The following TAB1 variants were observed in gnomAD, a reference collection of about 807,000 sequenced individuals.
TAB1 encodes the protein TGF-beta-activated kinase 1 and MAP3K7-binding protein 1.
In TAB1, 30 loss-of-function variants were observed where a neutral mutation model predicts 54.5. The ratio of observed to expected loss-of-function variants is 0.55; its 90% confidence interval spans 0.41 to 0.75. The LOEUF (loss-of-function observed/expected upper bound fraction) is 0.75, where lower values mean the gene tolerates loss of function less well. Among genes scored for constraint, TAB1 ranks in the 30% least tolerant of loss-of-function variants. The probability of loss-of-function intolerance (pLI) is 0.00; values close to 1 mark genes in which losing one functional copy is unlikely to be tolerated. For missense variants in TAB1, 609 were observed against 683.2 expected, an observed-to-expected ratio of 0.89 and a Z score of 1.21; for synonymous variants, 289 against 286.9, an observed-to-expected ratio of 1.01 and a Z score of -0.07.
chr22:39,404,275 G>C (rs1195894598), intron 1 of TAB1, among the ~76,000 whole-genome samples: 1 of 152,172 alleles, frequency 6.6e-6, no homozygotes, highest in Non-Finnish European at 1.5e-5. Context: ...TGCCTGTACT[G>C]TTACTTAATT....
chr22:39,411,806 TA>T (rs1926617495), intron 1 of TAB1, among the ~76,000 whole-genome samples: 1 of 152,204 alleles, frequency 6.6e-6, no homozygotes, highest in African/African-American at 2.4e-5. Context: ...TTCATAGTTA[TA>T]AGAAACGAAA....
At chr22:39,401,341 A>G (rs1926136337) in intron 1 of TAB1, among the ~76,000 whole-genome samples, 1 of 151,982 alleles carries the variant, frequency 6.6e-6, no homozygotes, top group Non-Finnish European at 1.5e-5. Context: ...CTACTCCTTT[A>G]TTTTATTACT....
At chr22:39,406,879 C>A (rs1050107938) in intron 1 of TAB1, among the ~76,000 whole-genome samples, 2 of 152,102 alleles carry the variant, frequency 1.3e-5, no homozygotes, top group African/African-American at 4.8e-5. Context: ...ATGATCTGCC[C>A]GCCTTGGCCT....
At chr22:39,413,519 C>A (rs1045531363) in intron 1 of TAB1, among the ~76,000 whole-genome samples, 5 of 151,172 alleles carry the variant, frequency 3.3e-5, no homozygotes, top group East Asian at 2.0e-4. Context: ...TGGGTTTAAG[C>A]GATTCTCCTG....
intron 1 of TAB1, among the ~76,000 whole-genome samples, chr22:39,401,690 T>A (rs933264148): frequency 6.6e-6 from 1 of 152,218 alleles, no homozygotes; most frequent in Non-Finnish European, 1.5e-5. Flanking sequence ...TGGCCTTTTT[T>A]AAAGCAAGAA....
chr22:39,429,266 G>A (rs1327398770), intron 10 of TAB1: 1 of 985,318 alleles, frequency 1.0e-6, no homozygotes, highest in Non-Finnish European at 1.2e-6. Flanking sequence ...GGGGAGGGGG[G>A]CGAAGGAAGG....
In TAB1 at chr22:39,399,781, C is replaced by G; in HGVS notation, c.-22C>G. ...TCGCTGCTCTGCGGGGAGGCGGGCG[C>G]TCCCGCAGGGGTTCCTCCAAGATGG... On this transcript the variant is annotated 5_prime_UTR_variant, in exon 1 of 11. Coordinates refer to ENST00000216160, the MANE Select transcript of TAB1 (RefSeq NM_006116.3). 6.3e-7 allele frequency: 1 copy of G among 1,580,394 alleles called. No homozygotes were observed. The highest frequency in any genetic ancestry group is 2.3e-5 in the East Asian group (1 of 43,204).
In TAB1 at chr22:39,415,097, A is replaced by G. The variant is rs1218200345; in HGVS notation, c.125A>G (p.Lys42Arg). ...AACCGCAGCTACTCTGCTGATGGCA[A>G]GGGCACTGAGAGCCACCCGCCAGAG... Reference protein sequence around the residue: ...ASNRSYSADGKGTESHPPEDS... With the variant: ...ASNRSYSADGRGTESHPPEDS... The change falls in exon 2 of 11, where the codon AAG becomes AGG. Residue 42 changes from lysine (K) to arginine (R), a missense_variant. Coordinates refer to ENST00000216160, the MANE Select transcript of TAB1 (RefSeq NM_006116.3). This position sits in a 1 kb window ranked among gnomAD's most constrained non-coding sequence, Gnocchi z 4.9. 1.2e-5 allele frequency: 19 copies of G among 1,610,744 alleles called. No individual in the cohort carries two copies. Among genetic ancestry groups the G allele is most frequent in the African/African-American group, 2.7e-5 (2 of 74,854 alleles).
rs1195832804 is a variant in TAB1 at position 39,426,876 on chromosome 22, T to C, written c.1095T>C (p.Phe365=). 6.2e-7 allele frequency: 1 copy of C among 1,613,106 alleles called. No individual in the cohort carries two copies. Among genetic ancestry groups the C allele is most frequent in the African/African-American group, 1.3e-5 (1 of 75,072 alleles). Reference sequence around the variant, plus strand: ...ACATGACCCTGCTAGTGAGGAACTTTGGCTACCCGCTGGGCGAAATGAGCC... The same window carrying C: ...ACATGACCCTGCTAGTGAGGAACTTCGGCTACCCGCTGGGCGAAATGAGCC... ...HEDMTLLVRN[F]GYPLGEMSQP... Residue 365 remains phenylalanine (F), a synonymous_variant, in exon 9 of 11, where the codon TTT becomes TTC. Transcript: ENST00000216160.
intron 8 of TAB1, among the ~76,000 whole-genome samples, chr22:39,422,450 G>A (rs952706498): frequency 5.0e-5 from 6 of 120,150 alleles, no homozygotes; most frequent in African/African-American, 9.7e-5. Context: ...CCTCTGTCAC[G>A]CAGGCTAGAG....
rs1435536659 is a variant in TAB1, at chr22:39,426,896, T to C, written c.1115T>C (p.Met372Thr). The C allele has an allele frequency of 6.2e-7, 1 of 1,612,352 alleles. No homozygotes were observed. The highest frequency in any genetic ancestry group is 1.3e-5 in the African/African-American group (1 of 74,924). ...AACTTTGGCTACCCGCTGGGCGAAA[T>C]GAGCCAGCCCACACCGAGCCCAGCC... ...VRNFGYPLGE[M>T]SQPTPSPAPA... Residue 372 changes from methionine (M) to threonine (T), a missense_variant, in exon 9 of 11, where the codon ATG (methionine) becomes ACG (threonine). Physicochemically the swap from Met to Thr is moderately conservative, Grantham distance 81. Transcript: ENST00000216160.
downstream of TAB1, among the ~76,000 whole-genome samples, chr22:39,435,737 C>T (rs1182574695): frequency 2.6e-5 from 4 of 152,182 alleles, no homozygotes; most frequent in East Asian, 1.9e-4. Flanking sequence ...GGCCGGGGAG[C>T]CTGGCTCTAC....
At chr22:39,416,602 T>G (rs370427321) in intron 3 of TAB1, 189 bp from the exon 4 acceptor site, 2 of 619,110 alleles carry the variant, frequency 3.2e-6, no homozygotes, top group East Asian at 2.7e-5. Flanking sequence ...GTCAAAGACA[T>G]TGATCTGCAG....
chr22:39,412,827 A>G (rs1339605813), intron 1 of TAB1, among the ~76,000 whole-genome samples: 2 of 151,580 alleles, frequency 1.3e-5, no homozygotes, highest in African/African-American at 2.4e-5. Flanking sequence ...TTTCTTTTAC[A>G]GATGATTCAC....
rs773589841 is a variant in TAB1 at position 39,428,200 on chromosome 22, C to T, written c.1307+17C>T. On this transcript the variant is annotated intron_variant, in intron 10 of 10. Transcript: ENST00000216160. ...CCTCACCAAGTAAGTCCCTTCCCCACTGAGCCACCCCCAGCCCTGTCACCC... is the reference window on the plus strand; with the variant it reads ...CCTCACCAAGTAAGTCCCTTCCCCATTGAGCCACCCCCAGCCCTGTCACCC... The T allele has an allele frequency of 4.5e-6, 7 of 1,556,540 alleles. No homozygotes were observed. Among genetic ancestry groups the T allele is most frequent in the South Asian group, 1.2e-5 (1 of 85,968 alleles).
chr22:39,400,718 T>C (rs1313603975), intron 1 of TAB1, among the ~76,000 whole-genome samples: 2 of 152,198 alleles, frequency 1.3e-5, no homozygotes, highest in East Asian at 3.8e-4. Flanking sequence ...GAATTGTCTA[T>C]GGACTTGTCT....
intron 1 of TAB1, among the ~76,000 whole-genome samples, chr22:39,409,244 T>A (rs1926506444): frequency 6.6e-6 from 1 of 152,186 alleles, no homozygotes; most frequent in African/African-American, 2.4e-5. Flanking sequence ...TTAATTTCAT[T>A]CCAGCTGGTG....
chr22:39,421,724 G>A, intron 7 of TAB1, 103 bp from the exon 8 acceptor site: 1 of 1,277,266 alleles, frequency 7.8e-7, no homozygotes, highest in Non-Finnish European at 1.1e-6. Context: ...CAGGTTGTGT[G>A]TTTTATTTTA....
Position 39,426,890 on chromosome 22 carries a change from G to A in TAB1, c.1109G>A (p.Gly370Asp), listed in dbSNP as rs553166297. ...GTGAGGAACTTTGGCTACCCGCTGG[G>A]CGAAATGAGCCAGCCCACACCGAGC... Reference protein sequence around the residue: ...LLVRNFGYPLGEMSQPTPSPA... With the variant: ...LLVRNFGYPLDEMSQPTPSPA... The change falls in exon 9 of 11, where the codon GGC becomes GAC. Residue 370 changes from glycine to aspartate, a missense_variant. By Grantham distance (94) the Gly-to-Asp change is moderately conservative (BLOSUM62 -1). Transcript: ENST00000216160. 9.3e-6 allele frequency: 15 copies of A among 1,612,542 alleles called. No homozygotes were observed. The South Asian group carries it at 1.4e-4, about 15-fold the overall frequency.
Sources: gnomAD v4.1 joint callset for allele counts (sites outside exome capture counted in the v4.1 genomes callset) on GRCh38, gnomAD v4.1.1 for gene constraint, Gnocchi (gnomAD v3.1) non-coding constraint, MANE v1.5 for transcripts, NCBI Gene and HGNC (gene_info 2026-07-23, HGNC 2026-07-21) for gene names.